Variants in ZMYND8 observed in about 807,000 individuals in gnomAD.
The protein encoded by ZMYND8 is MYND-type zinc finger-containing chromatin reader ZMYND8.
ZMYND8 carries 37 observed loss-of-function variants against 140.8 expected under a neutral mutation model. The observed-to-expected ratio is 0.26, with a 90% CI of 0.20 to 0.35. ZMYND8 has a LOEUF of 0.35. ZMYND8 is among the 10% of genes least tolerant of loss of function. The probability of loss-of-function intolerance (pLI) is 1.00; values close to 1 mark genes in which losing one functional copy is unlikely to be tolerated. For synonymous variants in ZMYND8, 592 were observed against 597.1 expected, an observed-to-expected ratio of 0.99 and a Z score of 0.12; for missense variants, 1,068 against 1,570.0, an observed-to-expected ratio of 0.68 and a Z score of 5.40.
Position 47,248,918 on chromosome 20 carries a change from C to T in ZMYND8, c.1774+369G>A, listed in dbSNP as rs76873767. Among the ~76,000 whole-genome samples the T allele has an allele frequency of 7.3e-3, 1,104 of 152,240 alleles. 59 individuals carry two copies. The East Asian group carries it at 0.15, about 20-fold the overall frequency. ...AGACCAGTCTGGAGGGAAAGGGTTTCGTGTCGGACACCTACAGAACACACT... is the reference window on the plus strand; with the variant it reads ...AGACCAGTCTGGAGGGAAAGGGTTTTGTGTCGGACACCTACAGAACACACT... On this transcript the variant is annotated intron_variant, in intron 13 of 22. Transcript: ENST00000471951.
In ZMYND8 at chr20:47,276,304, C is replaced by T. The variant is rs200522620; in HGVS notation, c.1480+10G>A. ...GGGGCCTCCTCCCCGCTCCCCCGCA[C>T]GGAGCTGACCTGTGCTCTTATCCAG... On this transcript the variant is annotated intron_variant, in intron 11 of 22. Transcript: ENST00000471951. 5,272 of 1,522,766 alleles carry T rather than the reference C, an allele frequency of 3.5e-3. 16 individuals are homozygous for T. The highest frequency in any genetic ancestry group is 4.2e-3 in the Non-Finnish European group (4,790 of 1,134,980). 94.3% of individuals were successfully genotyped at this position (1,522,766 alleles called of 1,614,324 possible). A position where few individuals can be genotyped will look rare whatever the true frequency, so the allele number is the denominator to read the frequency against.
chr20:47,286,741 C>T (rs533892979), intron 8 of ZMYND8, among the ~76,000 whole-genome samples: 2 of 152,202 alleles, frequency 1.3e-5, no homozygotes, highest in Non-Finnish European at 2.9e-5. Context: ...ACAGCTCACA[C>T]GCCTAAGAGG....
intron 21 of ZMYND8, among the ~76,000 whole-genome samples, chr20:47,215,244 A>G (rs2035911470): frequency 6.6e-6 from 1 of 152,158 alleles, no homozygotes; most frequent in African/African-American, 2.4e-5. Flanking sequence ...GTGGTGGTGT[A>G]TTCCTGTAAT....
Position 47,210,374 on chromosome 20 carries a change from A to G in ZMYND8, c.*387T>C, listed in dbSNP as rs761092262. The G allele has an allele frequency of 3.9e-5, 7 of 179,480 alleles. No individual in the cohort carries two copies. The highest frequency in any genetic ancestry group is 5.8e-5 in the Non-Finnish European group (5 of 85,826). 11.1% of individuals were successfully genotyped at this position (179,480 alleles called of 1,614,324 possible). Reference sequence around the variant, plus strand: ...CAGGCTAACTGACCATCCCTTCTCCAATACCAAAACATTCTTTTTTGTTGT... The same window carrying G: ...CAGGCTAACTGACCATCCCTTCTCCGATACCAAAACATTCTTTTTTGTTGT... On this transcript the variant is annotated 3_prime_UTR_variant, in exon 23 of 23. Transcript: ENST00000471951.
intron 2 of ZMYND8, among the ~76,000 whole-genome samples, chr20:47,313,495 G>A (rs551692611): frequency 6.6e-5 from 10 of 151,996 alleles, no homozygotes; most frequent in South Asian, 2.1e-4. Flanking sequence ...GGTGGCGGGC[G>A]CCTGTAGTCC....
At chr20:47,230,166 C>G (rs773072001) in intron 16 of ZMYND8, among the ~76,000 whole-genome samples, 5 of 152,164 alleles carry the variant, frequency 3.3e-5, no homozygotes, top group Non-Finnish European at 7.3e-5. Context: ...TTTCATGGAT[C>G]GCATTGTGGT....
chr20:47,308,752 G>C (rs1010267399), intron 3 of ZMYND8, among the ~76,000 whole-genome samples: 1 of 152,120 alleles, frequency 6.6e-6, no homozygotes, highest in African/African-American at 2.4e-5. Context: ...GCAAAAGCAG[G>C]GCTGGCATTT....
chr20:47,212,030 GTCT>G (rs2035345214), intron 22 of ZMYND8, among the ~76,000 whole-genome samples: 1 of 152,226 alleles, frequency 6.6e-6, no homozygotes, highest in South Asian at 2.1e-4. Context: ...CAAGGGCGGA[GTCT>G]TCTTAACAAT....
At chr20:47,230,920 T>C (rs2038392406) in intron 16 of ZMYND8, among the ~76,000 whole-genome samples, 1 of 152,168 alleles carries the variant, frequency 6.6e-6, no homozygotes, top group Non-Finnish European at 1.5e-5. Flanking sequence ...AGTCTGGACA[T>C]GTCATATAAA....
At chr20:47,319,606 C>T (rs1360175006) in intron 2 of ZMYND8, 1 of 154,690 alleles carries the variant, frequency 6.5e-6, no homozygotes, top group African/African-American at 2.4e-5. Flanking sequence ...GGCGAACTTC[C>T]AAACTCGCCT....
intron 2 of ZMYND8, among the ~76,000 whole-genome samples, chr20:47,341,144 G>A (rs983969034): frequency 2.0e-5 from 3 of 152,182 alleles, no homozygotes; most frequent in Non-Finnish European, 4.4e-5. Context: ...AAGGTCAAAC[G>A]AGAGAATGAA....
intron 2 of ZMYND8, among the ~76,000 whole-genome samples, chr20:47,311,573 T>C (rs558670272): frequency 6.6e-6 from 1 of 152,162 alleles, no homozygotes; most frequent in Non-Finnish European, 1.5e-5. Context: ...TTTTCCACTG[T>C]ATTTGTAGAA....
At chr20:47,269,088 A>G (rs1569047855) in intron 11 of ZMYND8, among the ~76,000 whole-genome samples, 1 of 151,814 alleles carries the variant, frequency 6.6e-6, no homozygotes, top group African/African-American at 2.4e-5. Context: ...AATCCCAGCT[A>G]CTTGGGGGGC....
chr20:47,249,458 C>A lies in ZMYND8; in HGVS notation c.1622-19G>T, dbSNP rs1347173149. 1 of 1,610,358 alleles carries A rather than the reference C, an allele frequency of 6.2e-7. No individual in the cohort carries two copies. The highest frequency in any genetic ancestry group is 1.7e-5 in the Admixed American group (1 of 59,950). On this transcript the variant is annotated intron_variant, in intron 12 of 22. Transcript: ENST00000471951. ...CTTCGATCTGAAAGAAACCATCACA[C>A]CCTCGTAAGATCAGGCACACACCAT...
chr20:47,289,652 T>C (rs1283500275), intron 7 of ZMYND8, among the ~76,000 whole-genome samples: 2 of 150,888 alleles, frequency 1.3e-5, no homozygotes, highest in African/African-American at 2.4e-5. Context: ...GAACCACTAA[T>C]AACACATAAC....
intron 6 of ZMYND8, among the ~76,000 whole-genome samples, chr20:47,290,799 C>G (rs2077216501): frequency 6.6e-6 from 1 of 151,948 alleles, no homozygotes; most frequent in African/African-American, 2.4e-5. Flanking sequence ...CCATGTTGGT[C>G]AGGCTGGTCT....
At chr20:47,338,971 CT>C (rs141938915) in intron 2 of ZMYND8, among the ~76,000 whole-genome samples, 3,017 of 137,872 alleles carry the variant, frequency 0.022, 59 homozygotes, top group African/African-American at 0.067. Flanking sequence ...ACAATTATTT[CT>C]TTTTTTTTTT....
chr20:47,241,942 C>T (rs1029255393), intron 14 of ZMYND8, among the ~76,000 whole-genome samples: 35 of 151,972 alleles, frequency 2.3e-4, no homozygotes, highest in African/African-American at 7.5e-4. Flanking sequence ...CTTAGCCTCC[C>T]GAGTAGCTGG....
intron 16 of ZMYND8, among the ~76,000 whole-genome samples, chr20:47,231,596 T>C (rs550699923): frequency 7.9e-5 from 12 of 152,144 alleles, no homozygotes; most frequent in South Asian, 2.1e-4. Context: ...AACCCCAAAA[T>C]AGTAGGCCCA....
Sources: gnomAD v4.1 joint callset for allele counts (sites outside exome capture counted in the v4.1 genomes callset) on GRCh38, gnomAD v4.1.1 for gene constraint, MANE v1.5 for transcripts, NCBI Gene and HGNC (gene_info 2026-07-23, HGNC 2026-07-21) for gene names.